Variants in PCDH9 observed in about 807,000 individuals in gnomAD.
PCDH9 encodes the protein protocadherin-9.
Under a neutral mutation model 70.6 loss-of-function variants are expected in PCDH9, and 24 were observed. The observed-to-expected ratio is 0.34, with a 90% CI of 0.25 to 0.48. PCDH9 has a LOEUF of 0.48. PCDH9 is among the 20% of genes least tolerant of loss of function. The pLI, the probability that PCDH9 is intolerant of heterozygous loss-of-function variation, is 0.99. For missense variants in PCDH9, 1,281 were observed against 1,503.6 expected, an observed-to-expected ratio of 0.85 and a Z score of 2.45; for synonymous variants, 562 against 558.5, an observed-to-expected ratio of 1.01 and a Z score of -0.09.
intron 4 of PCDH9, among the ~76,000 whole-genome samples, chr13:66,423,256 G>A (rs770495415): frequency 2.6e-5 from 4 of 151,980 alleles, no homozygotes; most frequent in Non-Finnish European, 5.9e-5. Context: ...AAGAGGAGCT[G>A]GGACCATTCC....
chr13:66,971,294 A>T (rs2083518114), intron 2 of PCDH9, among the ~76,000 whole-genome samples: 1 of 152,078 alleles, frequency 6.6e-6, no homozygotes, highest in Non-Finnish European at 1.5e-5. Flanking sequence ...AACTAGAAAT[A>T]ACAGTGGTCT....
chr13:67,095,015 T>C (rs1386769156), intron 2 of PCDH9, among the ~76,000 whole-genome samples: 2 of 152,176 alleles, frequency 1.3e-5, no homozygotes, highest in East Asian at 1.9e-4. Flanking sequence ...TGTGAAACAT[T>C]TGGCTCTCCT....
At chr13:67,004,846 T>A (rs2084318739) in intron 2 of PCDH9, among the ~76,000 whole-genome samples, 1 of 152,114 alleles carries the variant, frequency 6.6e-6, no homozygotes, top group Admixed American at 6.6e-5. Context: ...AAGCCTCTTG[T>A]TACTCCTGAC....
chr13:66,503,680 A>T (rs764986421), intron 4 of PCDH9, among the ~76,000 whole-genome samples: 13 of 152,178 alleles, frequency 8.5e-5, no homozygotes, highest in Non-Finnish European at 1.6e-4. Flanking sequence ...TCAGTGTAAG[A>T]TCCAAAAGAT....
Position 66,700,923 on chromosome 13 carries a change from AATATATATATATATATATAT to A in PCDH9, c.3139-69532_3139-69513del, listed in dbSNP as rs58852431. 1.9e-3 allele frequency among the ~76,000 whole-genome samples: 111 copies of A among 58,456 alleles called. 1 individual carries two copies. In the South Asian group the frequency reaches 0.025, roughly 13 times the overall value. The allele number at this position is 58,456 out of a possible 152,430, so 38.3% of individuals were successfully genotyped here. ...ATGAAAATATATGTGTGTACATATA[AATATATATATATATATATAT>A]ATATATATATATATATATATATATA... On this transcript the variant is annotated intron_variant, in intron 3 of 4. Transcript: ENST00000377865.
chr13:66,879,664 A>G (rs1228002485), intron 3 of PCDH9, among the ~76,000 whole-genome samples: 2 of 152,222 alleles, frequency 1.3e-5, no homozygotes, highest in Non-Finnish European at 2.9e-5. Context: ...GTTAAAAATA[A>G]CCTCAACTAA....
At chr13:66,673,693 G>T (rs2078207590) in intron 3 of PCDH9, among the ~76,000 whole-genome samples, 1 of 152,130 alleles carries the variant, frequency 6.6e-6, no homozygotes, top group African/African-American at 2.4e-5. Flanking sequence ...TGTGGTTTAA[G>T]ATGCCCAAAC....
intron 3 of PCDH9, among the ~76,000 whole-genome samples, chr13:66,892,682 G>A (rs1309105501): frequency 6.6e-6 from 1 of 151,918 alleles, no homozygotes; most frequent in Non-Finnish European, 1.5e-5. Flanking sequence ...ACCAAAATCA[G>A]GAAGGCTTTA....
chr13:66,369,034 C>T (rs933234797), intron 4 of PCDH9, among the ~76,000 whole-genome samples: 1 of 152,060 alleles, frequency 6.6e-6, no homozygotes, highest in African/African-American at 2.4e-5. Flanking sequence ...AATTAGGACC[C>T]TTCTTTTGTT....
At chr13:66,777,609 A>T (rs1350592101) in intron 3 of PCDH9, among the ~76,000 whole-genome samples, 3 of 152,058 alleles carry the variant, frequency 2.0e-5, no homozygotes, top group Non-Finnish European at 2.9e-5. Context: ...TAGAATGGCA[A>T]TCATTAAAAA....
chr13:66,988,837 C>T (rs78153340), intron 2 of PCDH9, among the ~76,000 whole-genome samples: 3,841 of 152,042 alleles, frequency 0.025, 174 homozygotes, highest in African/African-American at 0.087. Context: ...ACTAAGAGGT[C>T]TTGCTACTCT....
chr13:66,739,572 T>C (rs1593984088), intron 3 of PCDH9, among the ~76,000 whole-genome samples: 1 of 146,738 alleles, frequency 6.8e-6, no homozygotes, highest in Non-Finnish European at 1.5e-5. Flanking sequence ...TCAAGACCCA[T>C]CAGTGTGCTG....
intron 4 of PCDH9, among the ~76,000 whole-genome samples, chr13:66,477,946 C>G (rs1958763966): frequency 1.3e-5 from 2 of 152,136 alleles, no homozygotes; most frequent in Admixed American, 6.5e-5. Context: ...TTTTATTGTA[C>G]TTCCCCTTAC....
chr13:66,723,498 T>C (rs1394788645), intron 3 of PCDH9, among the ~76,000 whole-genome samples: 1 of 152,196 alleles, frequency 6.6e-6, no homozygotes, highest in Non-Finnish European at 1.5e-5. Context: ...ATGAGAGTTA[T>C]TTCAGTACTC....
At chr13:67,063,991 T>C (rs997993304) in intron 2 of PCDH9, among the ~76,000 whole-genome samples, 2 of 152,168 alleles carry the variant, frequency 1.3e-5, no homozygotes, top group Admixed American at 6.6e-5. Context: ...AGAAATAGGA[T>C]ACTCCACTCT....
chr13:66,520,587 A>T (rs1266071517), intron 4 of PCDH9, among the ~76,000 whole-genome samples: 1 of 152,174 alleles, frequency 6.6e-6, no homozygotes. Context: ...TAATCTATCG[A>T]ATATCTGATT....
chr13:66,995,963 TA>T (rs1036266525), intron 2 of PCDH9, among the ~76,000 whole-genome samples: 7 of 152,000 alleles, frequency 4.6e-5, no homozygotes, highest in African/African-American at 7.3e-5. Flanking sequence ...TAACTTCATT[TA>T]TTTTTTTTCA....
At chr13:66,748,902 G>A (rs1400250866) in intron 3 of PCDH9, among the ~76,000 whole-genome samples, 1 of 152,142 alleles carries the variant, frequency 6.6e-6, no homozygotes, top group African/African-American at 2.4e-5. Context: ...AGGACTAGGT[G>A]GAGATAAGTG....
chr13:66,643,494 A>G (rs1319862829), intron 3 of PCDH9, among the ~76,000 whole-genome samples: 9 of 152,110 alleles, frequency 5.9e-5, no homozygotes, highest in Non-Finnish European at 1.2e-4. Context: ...GATAACCGCT[A>G]CTTGCCCTAT....
Sources: gnomAD v4.1 joint callset for allele counts (sites outside exome capture counted in the v4.1 genomes callset) on GRCh38, gnomAD v4.1.1 for gene constraint, MANE v1.5 for transcripts, NCBI Gene and HGNC (gene_info 2026-07-23, HGNC 2026-07-21) for gene names.